The following CCDC93 variants were observed in gnomAD, a reference collection of about 807,000 sequenced individuals.
CCDC93 encodes the protein CCC complex scaffolding subunit CCDC93.
A neutral mutation model predicts 108.2 loss-of-function variants in CCDC93; 61 were observed. The ratio of observed to expected loss-of-function variants is 0.56; its 90% CI spans 0.46 to 0.70. The LOEUF (loss-of-function observed/expected upper bound fraction) is 0.70, where lower values mean the gene tolerates loss of function less well. Ranked by LOEUF, CCDC93 falls within the 30% of genes least tolerant of loss-of-function variation. The pLI, the probability that CCDC93 is intolerant of heterozygous loss-of-function variation, is 0.00. For synonymous variants in CCDC93, 276 were observed against 260.4 expected (o/e 1.06, Z -0.58); for missense variants, 685 against 764.2 (o/e 0.90, Z 1.22).
intron 23 of CCDC93, among the ~76,000 whole-genome samples, chr2:117,929,754 A>C (rs1342892944): frequency 6.6e-6 from 1 of 152,158 alleles, no homozygotes; most frequent in Non-Finnish European, 1.5e-5. Context: ...AGCCTGTGCT[A>C]GCCTCAAAGG....
chr2:118,011,285 T>A (rs1245544131), intron 1 of CCDC93, among the ~76,000 whole-genome samples: 2 of 152,178 alleles, frequency 1.3e-5, no homozygotes, highest in Non-Finnish European at 2.9e-5. Flanking sequence ...ATTATTAAAG[T>A]GACTGATAAT....
Position 118,008,932 on chromosome 2 carries a change from G to T in CCDC93, c.43-274C>A, listed in dbSNP as rs144600991. 193 of 305,158 alleles carry T rather than the reference G, an allele frequency of 6.3e-4. 3 individuals are homozygous for T. Among genetic ancestry groups the T allele is most frequent in the African/African-American group, 3.8e-3 (180 of 46,974 alleles). 18.9% of individuals were successfully genotyped at this position (305,158 alleles called of 1,614,324 possible). ...TAGTATATACTACTCATCACATGCT[G>T]AAGGAATCCAGGGAAAAGGAAGGTT... On this transcript the variant is annotated intron_variant, in intron 1 of 23. Transcript: ENST00000376300.
In CCDC93 at chr2:117,935,143, A is replaced by C. The variant is rs1469080246; in HGVS notation, c.1728+352T>G. 1.3e-5 allele frequency among the ~76,000 whole-genome samples: 2 copies of C among 152,328 alleles called. 1 individual carries two copies. The highest frequency in any genetic ancestry group is 4.2e-4 in the South Asian group (2 of 4,818). On this transcript the variant is annotated intron_variant, in intron 22 of 23. Coordinates refer to ENST00000376300, the MANE Select transcript of CCDC93 (RefSeq NM_019044.5). ...TCCACCGAGGAAGTGAATCTAGTCA[A>C]GAGCGGAAGCCTGCTGGTGAAAGGT...
chr2:117,970,045 C>A (rs747455487), intron 11 of CCDC93, among the ~76,000 whole-genome samples: 3 of 152,174 alleles, frequency 2.0e-5, no homozygotes. Context: ...ACTTGTTCAA[C>A]CACAGATATG....
chr2:117,929,011 CA>C (rs1458145167), intron 23 of CCDC93, among the ~76,000 whole-genome samples: 1 of 145,010 alleles, frequency 6.9e-6, no homozygotes, highest in East Asian at 2.1e-4. Flanking sequence ...ATTGCAAGGA[CA>C]AAAAACTAAA....
intron 6 of CCDC93, among the ~76,000 whole-genome samples, chr2:117,993,344 C>CGAGACAGCGCCACTGCACTTCAGCCTGG (rs1680542369): frequency 6.8e-6 from 1 of 148,082 alleles, no homozygotes; most frequent in African/African-American, 2.5e-5. Flanking sequence ...TGCAGTGAGC[C>CGAGACAGCGCCACTGCACTTCAGCCTGG]GAGACAGCGC....
At chr2:118,004,021 T>C (rs915438752) in intron 3 of CCDC93, among the ~76,000 whole-genome samples, 1 of 152,204 alleles carries the variant, frequency 6.6e-6, no homozygotes, top group Admixed American at 6.5e-5. Flanking sequence ...TTTGACTCCT[T>C]TAGTTTTTAA....
At chr2:117,933,705 CTTTTTTT>C (rs77802787) in intron 22 of CCDC93, among the ~76,000 whole-genome samples, 2 of 144,716 alleles carry the variant, frequency 1.4e-5, no homozygotes, top group South Asian at 4.4e-4. Context: ...ACAGGGAAAG[CTTTTTTT>C]TTTTTTTAAA....
At chr2:117,987,034 TAA>T (rs34625797) in intron 6 of CCDC93, among the ~76,000 whole-genome samples, 1,452 of 127,654 alleles carry the variant, frequency 0.011, 16 homozygotes, top group African/African-American at 0.031. Context: ...ATTCTTCTAT[TAA>T]AAAAAAAAAA....
chr2:117,979,344 C>T (rs1479088512), intron 7 of CCDC93, among the ~76,000 whole-genome samples: 4 of 152,144 alleles, frequency 2.6e-5, no homozygotes, highest in African/African-American at 9.7e-5. Flanking sequence ...TCCCCTCTCG[C>T]CCCTGCTTCC....
chr2:117,935,164 A>G lies in CCDC93; in HGVS notation c.1728+331T>C, dbSNP rs145867852. On this transcript the variant is annotated intron_variant, in intron 22 of 23. Transcript: ENST00000376300. ...GTCAAGAGCGGAAGCCTGCTGGTGA[A>G]AGGTGGTCTCCTCATCTGTAAAATG... Among the ~76,000 whole-genome samples, 352 of 152,300 alleles carry G rather than the reference A, an allele frequency of 2.3e-3. 1 individual carries two copies. Among genetic ancestry groups the G allele is most frequent in the Middle Eastern group, 6.8e-3 (2 of 294 alleles).
intron 22 of CCDC93, 47 bp from the exon 23 acceptor site, chr2:117,931,197 C>A: frequency 7.4e-7 from 1 of 1,355,054 alleles, no homozygotes; most frequent in South Asian, 1.2e-5. Context: ...ATGTTCTGCC[C>A]AAGGGCTACT....
intron 1 of CCDC93, 78 bp downstream of exon 1, chr2:118,013,863 ACGCACCCAGGGCC>A: frequency 1.7e-6 from 2 of 1,176,538 alleles, no homozygotes. Context: ...GGCGCCCCTA[ACGCACCCAGGGCC>A]CGCTCAGCCC....
At chr2:117,951,589 C>A (rs1420808321) in intron 13 of CCDC93, 8 of 1,000,026 alleles carry the variant, frequency 8.0e-6, no homozygotes, top group Non-Finnish European at 9.6e-6. Context: ...TCCAAATCGT[C>A]CAGGAAGTAC....
chr2:117,949,528 A>G, intron 13 of CCDC93, 133 bp from the exon 14 acceptor site: 2 of 691,976 alleles, frequency 2.9e-6, no homozygotes, highest in East Asian at 2.8e-5. Context: ...TGTGTAAAGT[A>G]GGTAATTACA....
chr2:117,972,924 G>C lies in CCDC93; in HGVS notation c.888+984C>G, dbSNP rs191273270. ...GCCCATGTTAAGAAACACTTACTTGGGGGAGTGGGGAAAACAAAGGAATCT... is the reference window on the plus strand; with the variant it reads ...GCCCATGTTAAGAAACACTTACTTGCGGGAGTGGGGAAAACAAAGGAATCT... On this transcript the variant is annotated intron_variant, in intron 11 of 23. Transcript: ENST00000376300. 5.9e-5 allele frequency among the ~76,000 whole-genome samples: 9 copies of C among 152,172 alleles called. No homozygotes were observed. The East Asian group carries it at 1.7e-3, about 29-fold the overall frequency.
chr2:117,983,848 T>C (rs1680234427), intron 7 of CCDC93, among the ~76,000 whole-genome samples: 1 of 152,126 alleles, frequency 6.6e-6, no homozygotes, highest in African/African-American at 2.4e-5. Flanking sequence ...CTGTCAGTTT[T>C]AATAACCATT....
intron 12 of CCDC93, among the ~76,000 whole-genome samples, chr2:117,957,469 C>T (rs912430298): frequency 2.6e-5 from 4 of 152,210 alleles, no homozygotes; most frequent in Non-Finnish European, 5.9e-5. Context: ...CACGTCTAGA[C>T]TATTGCATCA....
intron 18 of CCDC93, among the ~76,000 whole-genome samples, chr2:117,943,271 A>G (rs1678763614): frequency 6.6e-6 from 1 of 152,234 alleles, no homozygotes; most frequent in East Asian, 1.9e-4. Context: ...CATCCTATTT[A>G]TTAGTTATGG....
Sources: allele counts gnomAD v4.1 joint callset (sites outside exome capture counted in the v4.1 genomes callset), GRCh38; gene constraint gnomAD v4.1.1; transcripts MANE v1.5; gene names NCBI Gene and HGNC (gene_info 2026-07-23, HGNC 2026-07-21).